The following TENM4 variants were observed in gnomAD, a reference collection of about 807,000 sequenced individuals.
TENM4 encodes teneurin-4.
TENM4 carries 82 observed loss-of-function variants against 243.3 expected under a neutral mutation model. That is an observed-to-expected ratio of 0.34 (90% confidence interval 0.28 to 0.40). The LOEUF (loss-of-function observed/expected upper bound fraction) is 0.40. Among genes scored for constraint, TENM4 ranks in the 10% least tolerant of loss-of-function variants. The pLI is 1.00. For missense variants in TENM4, 3,138 were observed against 3,673.3 expected (o/e 0.85, Z 3.77); for synonymous variants, 1,412 against 1,456.3 (o/e 0.97, Z 0.69).
chr11:79,423,389 T>C (rs1858978689), intron 1 of TENM4, among the ~76,000 whole-genome samples: 1 of 151,072 alleles, frequency 6.6e-6, no homozygotes, highest in Non-Finnish European at 1.5e-5. Context: ...GGGCTAAAAC[T>C]GAGTTGGTCT....
intron 1 of TENM4, among the ~76,000 whole-genome samples, chr11:79,391,951 A>T (rs1226079213): frequency 7.8e-6 from 1 of 128,700 alleles, no homozygotes; most frequent in Middle Eastern, 4.1e-3. Context: ...ATGATTTTTT[A>T]TTTCCCTTTG....
intron 12 of TENM4, among the ~76,000 whole-genome samples, chr11:78,851,460 C>G (rs1858537556): frequency 1.3e-5 from 2 of 152,206 alleles, no homozygotes; most frequent in Admixed American, 1.3e-4. Flanking sequence ...GTTTATTCCT[C>G]TAAGATGTGT....
intron 7 of TENM4, among the ~76,000 whole-genome samples, chr11:78,896,615 T>C (rs1277257270): frequency 6.6e-6 from 1 of 152,042 alleles, no homozygotes; most frequent in Non-Finnish European, 1.5e-5. Flanking sequence ...CTACTTGCCA[T>C]CTCTCCAAAA....
At position 78,807,525 on chromosome 11, in the gene TENM4, T is replaced by C. The variant is rs202047308; in HGVS notation, c.1979-2033A>G. Among the ~76,000 whole-genome samples, 4 of 152,202 alleles carry C rather than the reference T, an allele frequency of 2.6e-5. No homozygotes were observed. In the East Asian group the frequency reaches 7.7e-4, roughly 29 times the overall value. On this transcript the variant is annotated intron_variant, in intron 14 of 33. Coordinates refer to ENST00000278550, the MANE Select transcript of TENM4 (RefSeq NM_001098816.3). ...TGAGAATTAACTGAAGTGGCTCCAGTTCATATGGAAAGTGCAACAGGTGGC... is the reference window on the plus strand; with the variant it reads ...TGAGAATTAACTGAAGTGGCTCCAGCTCATATGGAAAGTGCAACAGGTGGC...
chr11:78,983,099 C>T (rs1469052592), intron 6 of TENM4, among the ~76,000 whole-genome samples: 2 of 152,214 alleles, frequency 1.3e-5, no homozygotes, highest in Non-Finnish European at 2.9e-5. Context: ...AGTTCAAATG[C>T]CACATTCATA....
chr11:78,714,839 A>G (rs1036628609), intron 25 of TENM4, among the ~76,000 whole-genome samples: 17 of 151,952 alleles, frequency 1.1e-4, no homozygotes, highest in African/African-American at 3.6e-4. Flanking sequence ...CCTCCTCTGC[A>G]AACCTTCCCC....
rs574745602 is a variant in TENM4, at chr11:79,251,077, A to AGCTGAAGACATAGTAGGCCAGAAGT, written c.-264-35193_-264-35169dup. ...ATTTAACCAAAGCTTTAAGTGAAAG[A>AGCTGAAGACATAGTAGGCCAGAAGT]GCTGAAGACATAGTAGGCCAGAAGT... On this transcript the variant is annotated intron_variant, in intron 2 of 33. Transcript: ENST00000278550. 3.2e-4 allele frequency among the ~76,000 whole-genome samples: 48 copies of AGCTGAAGACATAGTAGGCCAGAAGT among 152,356 alleles called. 1 individual carries two copies. The East Asian group carries it at 9.1e-3, about 29-fold the overall frequency.
intron 2 of TENM4, among the ~76,000 whole-genome samples, chr11:79,276,750 T>C (rs1412695524): frequency 1.3e-5 from 2 of 152,152 alleles, no homozygotes; most frequent in Non-Finnish European, 2.9e-5. Flanking sequence ...CCATACTCCT[T>C]GCTGCTTTGG....
At chr11:79,305,231 T>G (rs1344770304) in intron 1 of TENM4, among the ~76,000 whole-genome samples, 2 of 152,242 alleles carry the variant, frequency 1.3e-5, no homozygotes, top group African/African-American at 2.4e-5. Context: ...TTAACTCCTC[T>G]GAGCATCAGC....
intron 21 of TENM4, among the ~76,000 whole-genome samples, chr11:78,731,638 A>G (rs754120167): frequency 1.3e-5 from 2 of 152,220 alleles, no homozygotes; most frequent in Non-Finnish European, 2.9e-5. Context: ...ACAGCGAAGG[A>G]AATTCAACTG....
intron 21 of TENM4, among the ~76,000 whole-genome samples, chr11:78,731,042 C>G (rs1042291879): frequency 1.3e-5 from 2 of 152,126 alleles, no homozygotes; most frequent in African/African-American, 4.8e-5. Flanking sequence ...CTGGGAAAAT[C>G]CAAGAGTTTG....
chr11:78,974,090 T>C (rs559845894), intron 6 of TENM4, among the ~76,000 whole-genome samples: 1 of 152,296 alleles, frequency 6.6e-6, no homozygotes, highest in South Asian at 2.1e-4. Flanking sequence ...AGGTTAAAGA[T>C]GTGCAAATAC....
chr11:79,321,133 C>A (rs749840671), intron 1 of TENM4, among the ~76,000 whole-genome samples: 10 of 152,220 alleles, frequency 6.6e-5, no homozygotes, highest in Non-Finnish European at 1.5e-4. Context: ...CCCTTGGCCT[C>A]TCTGTGCCTC....
chr11:78,746,242 G>A (rs926078759), intron 19 of TENM4, among the ~76,000 whole-genome samples: 3 of 152,330 alleles, frequency 2.0e-5, no homozygotes, highest in Non-Finnish European at 4.4e-5. Context: ...CACTCCTTGA[G>A]GAGGGGGTAC....
intron 4 of TENM4, among the ~76,000 whole-genome samples, chr11:79,074,560 C>T (rs1860489726): frequency 6.6e-6 from 1 of 152,224 alleles, no homozygotes; most frequent in African/African-American, 2.4e-5. Flanking sequence ...CTCTCTGCTT[C>T]CTCTGGCTGC....
At chr11:79,202,479 A>C (rs1275769974) in intron 3 of TENM4, among the ~76,000 whole-genome samples, 1 of 152,246 alleles carries the variant, frequency 6.6e-6, no homozygotes, top group East Asian at 1.9e-4. Context: ...AAAGGAAGGA[A>C]AAGAAAACCA....
intron 2 of TENM4, among the ~76,000 whole-genome samples, chr11:79,286,882 G>C (rs1291883958): frequency 6.6e-6 from 1 of 152,118 alleles, no homozygotes; most frequent in East Asian, 1.9e-4. Context: ...TTAGAATTTA[G>C]AGAGGAAAAC....
chr11:79,262,678 G>T (rs1855818605), intron 2 of TENM4, among the ~76,000 whole-genome samples: 1 of 152,206 alleles, frequency 6.6e-6, no homozygotes, highest in African/African-American at 2.4e-5. Context: ...AGAGGTGCTT[G>T]GAGAAGCAGC....
intron 15 of TENM4, among the ~76,000 whole-genome samples, chr11:78,804,714 G>A (rs552506109): frequency 1.3e-5 from 2 of 152,148 alleles, no homozygotes; most frequent in Non-Finnish European, 2.9e-5. Flanking sequence ...TATTGAGCAG[G>A]TGCTGTGGGT....
Sources: gnomAD v4.1 joint callset for allele counts (sites outside exome capture counted in the v4.1 genomes callset) on GRCh38, gnomAD v4.1.1 for gene constraint, MANE v1.5 for transcripts, NCBI Gene and HGNC (gene_info 2026-07-23, HGNC 2026-07-21) for gene names.